CLINT1: variants seen among roughly 807,000 people sequenced by gnomAD.
CLINT1 encodes the protein clathrin interactor 1.
Under a neutral mutation model 70.4 loss-of-function variants are expected in CLINT1, and 15 were observed. That is an observed-to-expected ratio of 0.21 (90% CI 0.14 to 0.33). The LOEUF is 0.33. Among genes scored for constraint, CLINT1 ranks in the 10% least tolerant of loss-of-function variants. The pLI, the probability that CLINT1 is intolerant of heterozygous loss-of-function variation, is 1.00. For synonymous variants in CLINT1, 227 were observed against 254.7 expected, an observed-to-expected ratio of 0.89 and a Z score of 1.04; for missense variants, 615 against 778.1, an observed-to-expected ratio of 0.79 and a Z score of 2.49.
At chr5:157,853,313 A>G (rs1186829189) in intron 1 of CLINT1, among the ~76,000 whole-genome samples, 1 of 151,968 alleles carries the variant, frequency 6.6e-6, no homozygotes, top group Non-Finnish European at 1.5e-5. Context: ...ATGGCACTCC[A>G]GCCTGGGAGA....
intron 1 of CLINT1, among the ~76,000 whole-genome samples, chr5:157,835,322 C>G (rs2113280684): frequency 6.6e-6 from 1 of 152,138 alleles, no homozygotes; most frequent in East Asian, 1.9e-4. Context: ...GTTAATAAAT[C>G]AGCAATTTTT....
At chr5:157,835,853 G>A (rs1017967429) in intron 1 of CLINT1, among the ~76,000 whole-genome samples, 3 of 152,148 alleles carry the variant, frequency 2.0e-5, no homozygotes, top group African/African-American at 7.2e-5. Flanking sequence ...CAAGATTTCT[G>A]TGTCCCATAG....
At chr5:157,811,170 T>C (rs1762544419) in intron 5 of CLINT1, among the ~76,000 whole-genome samples, 1 of 152,188 alleles carries the variant, frequency 6.6e-6, no homozygotes, top group Non-Finnish European at 1.5e-5. Context: ...CTGATTAGCA[T>C]GGCATGGTGA....
At chr5:157,833,641 A>C (rs867404007) in intron 1 of CLINT1, among the ~76,000 whole-genome samples, 55 of 152,282 alleles carry the variant, frequency 3.6e-4, no homozygotes, top group Non-Finnish European at 6.5e-4. Flanking sequence ...ACCTAGAATT[A>C]CAACTAAAAC....
At chr5:157,810,810 G>C (rs1006839169) in intron 5 of CLINT1, among the ~76,000 whole-genome samples, 1 of 152,190 alleles carries the variant, frequency 6.6e-6, no homozygotes, top group Non-Finnish European at 1.5e-5. Flanking sequence ...TAACTAAAAA[G>C]TGGCTAATGG....
chr5:157,788,117 T>C, intron 11 of CLINT1, 125 bp from the exon 12 acceptor site: 1 of 791,024 alleles, frequency 1.3e-6, no homozygotes, highest in Non-Finnish European at 2.1e-6. Flanking sequence ...TCCTTTACAG[T>C]GATTTTATTA....
rs1054362928 is a variant in CLINT1 at position 157,786,239 on chromosome 5, C to A, written c.*1407G>T. 6.6e-6 allele frequency: 1 copy of A among 151,816 alleles called. No individual in the cohort carries two copies. Among genetic ancestry groups the A allele is most frequent in the African/African-American group, 2.4e-5 (1 of 41,314 alleles). The allele number at this position is 151,816 out of a possible 1,614,324, so 9.4% of individuals were successfully genotyped here. The stretch of plus-strand genomic sequence containing the variant: ...GCCCAAACTATAATTATTTTTTCCC[C>A]AAATGGTCTCAAATGTCTAACAGAA... On this transcript the variant is annotated 3_prime_UTR_variant, in exon 12 of 12. Coordinates refer to ENST00000411809, the MANE Select transcript of CLINT1 (RefSeq NM_014666.4).
chr5:157,809,381 T>C (rs2113190952), intron 6 of CLINT1, among the ~76,000 whole-genome samples: 1 of 151,364 alleles, frequency 6.6e-6, no homozygotes, highest in East Asian at 1.9e-4. Flanking sequence ...TGCACCATAG[T>C]AATGCAAGAT....
At chr5:157,792,746 A>G (rs1761956467) in intron 9 of CLINT1, among the ~76,000 whole-genome samples, 1 of 152,208 alleles carries the variant, frequency 6.6e-6, no homozygotes, top group Non-Finnish European at 1.5e-5. Flanking sequence ...TTTAAGGTTG[A>G]ATGCATAAAA....
Position 157,791,850 on chromosome 5 carries a change from T to G in CLINT1, c.1233A>C (p.Leu411=). 1 of 1,613,916 alleles carries G rather than the reference T, an allele frequency of 6.2e-7. No homozygotes were observed. Residue 411 remains leucine (L), a synonymous_variant, in exon 10 of 12, where the codon CTA becomes CTC. Transcript: ENST00000411809. ...VELVSGSQSA[L]GPPPAASNSS... ...AATTTGAGGCAGCAGGAGGTGGGCC[T>G]AGAGCTGATTGTGAGCCACTAACAA...
chr5:157,811,940 T>A (rs578110648), intron 5 of CLINT1, among the ~76,000 whole-genome samples: 1 of 152,176 alleles, frequency 6.6e-6, no homozygotes, highest in Admixed American at 6.5e-5. Context: ...ATTATTTATA[T>A]GCTTTAGGAG....
Position 157,805,910 on chromosome 5 carries a change from G to A in CLINT1, c.898C>T (p.Pro300Ser). Residue 300 changes from proline (P) to serine (S), a missense_variant, in exon 7 of 12, where the codon CCA becomes TCA. Pro to Ser is a moderately conservative substitution (Grantham distance 74). This residue lies in a region of CLINT1 where 374 missense variants were observed against 409.6 expected (regional missense o/e 0.91). Coordinates refer to ENST00000411809, the MANE Select transcript of CLINT1 (RefSeq NM_014666.4). ...GTGTGGGTTGAAGCATTCTGATCTG[G>A]ACTTGCTTTGTCCCCTGTGTAATGT... ...AAHYTGDKAS[P>S]DQNASTHTPQ... The A allele has an allele frequency of 1.2e-6, 2 of 1,613,904 alleles. No homozygotes were observed. Among genetic ancestry groups the A allele is most frequent in the Non-Finnish European group, 1.7e-6 (2 of 1,179,880 alleles).
chr5:157,829,689 A>ATTTTTTTTTTTTTTTTTTT (rs3075709), intron 1 of CLINT1, among the ~76,000 whole-genome samples: 2 of 109,148 alleles, frequency 1.8e-5, no homozygotes, highest in Non-Finnish European at 1.8e-5. Context: ...ACACCCAGCT[A>ATTTTTTTTTTTTTTTTTTT]TTTTTTTTTT....
intron 1 of CLINT1, among the ~76,000 whole-genome samples, chr5:157,821,113 G>A (rs1394070907): frequency 6.6e-6 from 1 of 151,942 alleles, no homozygotes; most frequent in Non-Finnish European, 1.5e-5. Context: ...ACCTTCTGTT[G>A]AAGGCTCAAA....
intron 1 of CLINT1, among the ~76,000 whole-genome samples, chr5:157,855,461 C>T (rs1267976143): frequency 6.6e-6 from 1 of 152,136 alleles, no homozygotes; most frequent in East Asian, 1.9e-4. Context: ...TGCCACTTAT[C>T]CTTTCCTGCC....
At chr5:157,834,161 C>T (rs77989437) in intron 1 of CLINT1, among the ~76,000 whole-genome samples, 2 of 151,872 alleles carry the variant, frequency 1.3e-5, no homozygotes, top group Non-Finnish European at 2.9e-5. Flanking sequence ...TTCAGGAGTT[C>T]GAGACCAGCC....
In CLINT1 at chr5:157,813,044, GCTT is replaced by G; in HGVS notation, c.517+16_517+18del. The G allele has an allele frequency of 6.2e-7, 1 of 1,608,432 alleles. No homozygotes were observed. Among genetic ancestry groups the G allele is most frequent in the South Asian group, 1.1e-5 (1 of 90,394 alleles). ...AAGCTAAGCTGATGCTTAGGTGTCAGCTTGTCTTTGATACTCACTGTATCTGAA... is the reference window on the plus strand; with the variant it reads ...AAGCTAAGCTGATGCTTAGGTGTCAGGTCTTTGATACTCACTGTATCTGAA... On this transcript the variant is annotated intron_variant, in intron 5 of 11. Transcript: ENST00000411809.
intron 1 of CLINT1, among the ~76,000 whole-genome samples, chr5:157,817,821 G>A (rs1026097519): frequency 4.6e-5 from 7 of 151,950 alleles, no homozygotes; most frequent in Non-Finnish European, 1.0e-4. Context: ...AATGGCTGAA[G>A]GTCAAATTAA....
chr5:157,846,764 G>A (rs1581543198), intron 1 of CLINT1, among the ~76,000 whole-genome samples: 1 of 152,198 alleles, frequency 6.6e-6, no homozygotes, highest in East Asian at 1.9e-4. Context: ...TAACGCAGCT[G>A]TGAGCCAGTG....
Sources: allele counts gnomAD v4.1 joint callset (sites outside exome capture counted in the v4.1 genomes callset), GRCh38; gene constraint gnomAD v4.1.1; regional missense constraint gnomAD v4.1.1; transcripts MANE v1.5; gene names NCBI Gene and HGNC (gene_info 2026-07-23, HGNC 2026-07-21).